Variants in JPT2 observed in about 807,000 individuals in gnomAD.
JPT2 encodes CRAMP_1 like.
Under a neutral mutation model 15.9 loss-of-function variants are expected in JPT2, and 9 were observed. That is an observed-to-expected ratio of 0.57 (90% CI 0.34 to 0.99). JPT2 has a LOEUF of 0.99. JPT2 is among the 50% of genes least tolerant of loss of function. JPT2 has a pLI of 0.02. For synonymous variants in JPT2, 95 were observed against 91.7 expected (o/e 1.04, Z -0.21); for missense variants, 267 against 252.1 (o/e 1.06, Z -0.40).
Position 1,701,888 on chromosome 16 carries a change from C to T in JPT2, c.*2890C>T, listed in dbSNP as rs553966361. ...CCTGTCTATACAAAAAAAAACTTCT[C>T]TAAATTAGCCGGATGTGGTGGTGCA... On this transcript the variant is annotated 3_prime_UTR_variant, in exon 5 of 5. Coordinates refer to ENST00000248098, the MANE Select transcript of JPT2 (RefSeq NM_144570.3). 1.0e-5 allele frequency: 3 copies of T among 292,170 alleles called. No individual in the cohort carries two copies. Among genetic ancestry groups the T allele is most frequent in the East Asian group, 1.6e-4 (2 of 12,574 alleles). 18.1% of individuals were successfully genotyped at this position (292,170 alleles called of 1,614,324 possible). A position where few individuals can be genotyped will look rare whatever the true frequency, so the allele number is the denominator to read the frequency against.
In JPT2 at chr16:1,691,943, G is replaced by A. The variant is rs755400800; in HGVS notation, c.294G>A (p.Pro98=). 1.6e-5 allele frequency: 26 copies of A among 1,614,030 alleles called. No homozygotes were observed. Among genetic ancestry groups the A allele is most frequent in the African/African-American group, 4.0e-5 (3 of 74,910 alleles). Residue 98 remains proline (P), a synonymous_variant, in exon 3 of 5, where the codon CCG becomes CCA. Transcript: ENST00000248098. ...AGACCAGCGACATTTTTGGGTCTCCGGTCACTGCCACTTCACGCTTGGCAC... is the reference window on the plus strand; with the variant it reads ...AGACCAGCGACATTTTTGGGTCTCCAGTCACTGCCACTTCACGCTTGGCAC... ...GGKTSDIFGS[P]VTATSRLAHP...
chr16:1,685,583 C>G lies in JPT2; in HGVS notation c.189C>G (p.Pro63=). The G allele has an allele frequency of 1.9e-6, 3 of 1,613,644 alleles. No homozygotes were observed. Among genetic ancestry groups the G allele is most frequent in the East Asian group, 2.2e-5 (1 of 44,878 alleles). ...AGAACATACCCAAGAGGACAAATCC[C>G]CCAGGTATGGGCCTTTGGAAATCCT... ...EPQNIPKRTN[P]PGGKGSGIFD... Residue 63 remains proline (P), a synonymous_variant, in exon 2 of 5, where the codon CCC becomes CCG. Transcript: ENST00000248098.
intron 1 of JPT2, among the ~76,000 whole-genome samples, chr16:1,681,810 A>C (rs190337801): frequency 1.7e-4 from 26 of 152,340 alleles, no homozygotes; most frequent in Non-Finnish European, 3.2e-4. Flanking sequence ...CTGTGAATGT[A>C]GGGAATGTGG....
rs542932581 is a variant in JPT2, at chr16:1,678,341, G to A, written c.29G>A (p.Gly10Asp). The A allele has an allele frequency of 1.1e-5, 13 of 1,234,098 alleles. No individual in the cohort carries two copies. The Admixed American group carries it at 5.5e-4, about 52-fold the overall frequency. 76.4% of individuals were successfully genotyped at this position (1,234,098 alleles called of 1,614,324 possible). A position where few individuals can be genotyped will look rare whatever the true frequency, so the allele number is the denominator to read the frequency against. The change falls in exon 1 of 5, where the codon GGC becomes GAC. Residue 10 changes from glycine to aspartate, a missense_variant. Transcript: ENST00000248098. Reference sequence around the variant, plus strand: ...TTCCAGGTCCCGGATAGCGAGGGCGGCCGCGCCGGCTCCAGGTGCGGCGCG... The same window carrying A: ...TTCCAGGTCCCGGATAGCGAGGGCGACCGCGCCGGCTCCAGGTGCGGCGCG... MFQVPDSEGGRAGSRAMKPP... is the reference protein window; with the variant it reads MFQVPDSEGDRAGSRAMKPP...
At chr16:1,686,121 C>G (rs1362326086) in intron 2 of JPT2, 2 of 153,178 alleles carry the variant, frequency 1.3e-5, no homozygotes, top group East Asian at 3.8e-4. Flanking sequence ...GCCTGTAATC[C>G]CAGCACTTTG....
In JPT2 at chr16:1,698,497, T is replaced by C. The variant is rs2037158468; in HGVS notation, c.386-314T>C. 6.6e-6 allele frequency among the ~76,000 whole-genome samples: 1 copy of C among 152,206 alleles called. No homozygotes were observed. The highest frequency in any genetic ancestry group is 1.5e-5 in the Non-Finnish European group (1 of 68,030). ...TCATGGTCACTCTCAGGGGCTTGCT[T>C]TCTATACTTGAGATGGAAGAAATGG... On this transcript the variant is annotated intron_variant, in intron 4 of 4. Coordinates refer to ENST00000248098, the MANE Select transcript of JPT2 (RefSeq NM_144570.3). This position sits in a 1 kb window ranked among gnomAD's most constrained non-coding sequence, Gnocchi z 4.9.
At chr16:1,682,481 G>A (rs1243929635) in intron 1 of JPT2, among the ~76,000 whole-genome samples, 2 of 152,124 alleles carry the variant, frequency 1.3e-5, no homozygotes, top group Non-Finnish European at 2.9e-5. Context: ...AGACCAGCCT[G>A]GCCAACATGG....
chr16:1,679,045 A>C (rs1043070672), intron 1 of JPT2, among the ~76,000 whole-genome samples: 44 of 152,376 alleles, frequency 2.9e-4, no homozygotes, highest in African/African-American at 1.0e-3. Context: ...ATCCTGACTC[A>C]GCTTTAATAG....
rs1419162423 is a variant in JPT2 at position 1,699,980 on chromosome 16, T to G, written c.*982T>G. 1 of 310,706 alleles carries G rather than the reference T, an allele frequency of 3.2e-6. No homozygotes were observed. Among genetic ancestry groups the G allele is most frequent in the Non-Finnish European group, 6.7e-6 (1 of 148,496 alleles). 19.2% of individuals were successfully genotyped at this position (310,706 alleles called of 1,614,324 possible). A position where few individuals can be genotyped will look rare whatever the true frequency, so the allele number is the denominator to read the frequency against. On this transcript the variant is annotated 3_prime_UTR_variant, in exon 5 of 5. Coordinates refer to ENST00000248098, the MANE Select transcript of JPT2 (RefSeq NM_144570.3). ...GCTTGGGAACCTTGGGTTCTTAGGT[T>G]TGGATTCTTTAATAATATCTAAAAA... is the stretch of plus-strand genomic sequence containing the variant.
At chr16:1,683,539 A>G (rs1210616316) in intron 1 of JPT2, 1 of 1,535,278 alleles carries the variant, frequency 6.5e-7, no homozygotes, top group Non-Finnish European at 8.7e-7. Context: ...GAAGTTTGGC[A>G]TCCACCTCCC....
At chr16:1,678,691 C>T (rs567679983) in intron 1 of JPT2, among the ~76,000 whole-genome samples, 1 of 152,002 alleles carries the variant, frequency 6.6e-6, no homozygotes, top group Admixed American at 6.5e-5. Flanking sequence ...GTGGTGCGTT[C>T]CGTGGGGGGT....
At chr16:1,692,060 G>GA in intron 3 of JPT2, 75 bp downstream of exon 3, 1 of 1,552,178 alleles carries the variant, frequency 6.4e-7, no homozygotes, top group Non-Finnish European at 8.8e-7. Flanking sequence ...CTCCAAGGCA[G>GA]ATGCGACATG....
chr16:1,697,956 T>C, intron 4 of JPT2, 96 bp downstream of exon 4: 1 of 1,123,380 alleles, frequency 8.9e-7, no homozygotes, highest in Non-Finnish European at 1.3e-6. Flanking sequence ...AGTCTTTCTT[T>C]GCACCTTCTG....
chr16:1,695,302 G>A (rs1855847929), intron 3 of JPT2, among the ~76,000 whole-genome samples: 8 of 152,082 alleles, frequency 5.3e-5, no homozygotes, highest in Admixed American at 5.2e-4. Context: ...CTACTCGGGA[G>A]GCTGAGGCAG....
chr16:1,695,405 CAAAAAAA>C (rs35052397), intron 3 of JPT2, among the ~76,000 whole-genome samples: 1 of 121,368 alleles, frequency 8.2e-6, no homozygotes, highest in Admixed American at 8.4e-5. Context: ...AACTCCGTCC[CAAAAAAA>C]AAAAAAAAAA....
intron 3 of JPT2, among the ~76,000 whole-genome samples, chr16:1,693,296 C>T (rs1339360913): frequency 6.6e-6 from 1 of 152,126 alleles, no homozygotes; most frequent in Non-Finnish European, 1.5e-5. Context: ...AGGGTTTCAC[C>T]ATGTTGGCCA....
At position 1,699,338 on chromosome 16, in the gene JPT2, A is replaced by G. The variant is rs763148503; in HGVS notation, c.*340A>G. 9 of 505,312 alleles carry G rather than the reference A, an allele frequency of 1.8e-5. No homozygotes were observed. In the East Asian group the frequency reaches 4.2e-4, roughly 24 times the overall value. The allele number at this position is 505,312 out of a possible 1,614,324, so 31.3% of individuals were successfully genotyped here. A position where few individuals can be genotyped will look rare whatever the true frequency, so the allele number is the denominator to read the frequency against. On this transcript the variant is annotated 3_prime_UTR_variant, in exon 5 of 5. Transcript: ENST00000248098. ...CCAGCTGATTGGATGTCTAGGAATG[A>G]CTGAAAGAAACCAAAACAGCCTGTC...
chr16:1,684,049 A>T (rs1218513861), intron 1 of JPT2, among the ~76,000 whole-genome samples: 1 of 152,226 alleles, frequency 6.6e-6, no homozygotes, highest in Non-Finnish European at 1.5e-5. Flanking sequence ...AATACCTAAT[A>T]CTATGCACAT....
chr16:1,692,969 C>T (rs1238353733), intron 3 of JPT2, among the ~76,000 whole-genome samples: 3 of 152,308 alleles, frequency 2.0e-5, no homozygotes, highest in Non-Finnish European at 2.9e-5. Context: ...GCATTGATCG[C>T]GGCCAGCCTG....
Sources: allele counts gnomAD v4.1 joint callset (sites outside exome capture counted in the v4.1 genomes callset), GRCh38; gene constraint gnomAD v4.1.1; non-coding constraint Gnocchi (gnomAD v3.1); transcripts MANE v1.5; gene names NCBI Gene and HGNC (gene_info 2026-07-23, HGNC 2026-07-21).